Variants in DNAH5 observed in about 807,000 individuals in gnomAD.
DNAH5 encodes the protein dynein axonemal heavy chain 5.
DNAH5 carries 372 observed loss-of-function variants against 518.2 expected under a neutral mutation model. The observed-to-expected ratio is 0.72, with a 90% CI of 0.66 to 0.78. DNAH5 has a LOEUF of 0.78. Among genes scored for constraint, DNAH5 ranks in the 30% least tolerant of loss-of-function variants. DNAH5 has a pLI of 0.00. For synonymous variants in DNAH5, 2,039 were observed against 2,025.9 expected (o/e 1.01, Z -0.17); for missense variants, 5,523 against 5,687.0 (o/e 0.97, Z 0.93).
intron 65 of DNAH5, among the ~76,000 whole-genome samples, chr5:13,747,044 C>T (rs1307557319): frequency 1.3e-5 from 2 of 152,056 alleles, no homozygotes; most frequent in Non-Finnish European, 2.9e-5. Flanking sequence ...CCCTCTCCCC[C>T]CACCCCACAA....
intron 1 of DNAH5, among the ~76,000 whole-genome samples, chr5:13,975,458 A>G (rs979181874): frequency 6.6e-6 from 1 of 152,216 alleles, no homozygotes; most frequent in Non-Finnish European, 1.5e-5. Context: ...GCTCTGTGCC[A>G]GGATTAATTT....
chr5:13,916,798 C>A, intron 8 of DNAH5, among the ~76,000 whole-genome samples: 1 of 151,716 alleles, frequency 6.6e-6, no homozygotes, highest in Non-Finnish European at 1.5e-5. Flanking sequence ...TAAAAAAAAA[C>A]ATCACTAGCT....
chr5:13,727,538 C>T lies in DNAH5; in HGVS notation c.12002G>A (p.Arg4001Lys), dbSNP rs1290080477. 6.8e-6 allele frequency: 11 copies of T among 1,613,672 alleles called. No homozygotes were observed. The highest frequency in any genetic ancestry group is 8.5e-6 in the Non-Finnish European group (10 of 1,179,686). Residue 4001 changes from arginine to lysine, a missense_variant, in exon 70 of 79, where the codon AGA becomes AAA. Arg to Lys is a conservative substitution (Grantham distance 26, BLOSUM62 2). This residue lies in a region of DNAH5 where 5,121 missense variants were observed against 5,223.3 expected (regional missense o/e 0.98). Transcript: ENST00000265104. ...GATGGTTCTGTCAGGACACCAGGATCTAATAAGGAGAAGACGTCTGAAGCA... is the reference window on the plus strand; with the variant it reads ...GATGGTTCTGTCAGGACACCAGGATTTAATAAGGAGAAGACGTCTGAAGCA... ...LDCFRRLLLI[R>K]SWCPDRTIAQ... is the part of the protein sequence containing the mutation.
chr5:13,871,927 T>G (rs1399821294), intron 22 of DNAH5, among the ~76,000 whole-genome samples, 162 bp from the exon 23 acceptor site: 1 of 152,202 alleles, frequency 6.6e-6, no homozygotes, highest in Non-Finnish European at 1.5e-5. Context: ...CTATATACAA[T>G]AGTGTGGACA....
At position 13,865,872 on chromosome 5, in the gene DNAH5, G is replaced by A. The variant is rs556488669; in HGVS notation, c.4151C>T (p.Thr1384Ile). ...AAAAAGCTCCTCTCCTCCAGTATAT[G>A]TGATGTATTTCCGATAGATATTATC... ...QFDNIYRKYI[T>I]YTGGEELFGL... The change falls in exon 27 of 79, where the codon ACA becomes ATA. Residue 1384 changes from threonine (T) to isoleucine (I), a missense_variant. Thr to Ile is a moderately conservative substitution (Grantham distance 89). Coordinates refer to ENST00000265104, the MANE Select transcript of DNAH5 (RefSeq NM_001369.3). 1.9e-6 allele frequency: 3 copies of A among 1,608,920 alleles called. No individual in the cohort carries two copies. The highest frequency in any genetic ancestry group is 2.2e-5 in the South Asian group (2 of 90,892).
In DNAH5 at chr5:13,914,876, C is replaced by G. The variant is rs13180671; in HGVS notation, c.1198-234G>C. Among the ~76,000 whole-genome samples, 66,320 of 151,886 alleles carry G rather than the reference C, an allele frequency of 0.44. 15,275 individuals are homozygous for G. Among genetic ancestry groups the G allele is most frequent in the East Asian group, 0.85 (4,407 of 5,174 alleles). On this transcript the variant is annotated intron_variant, in intron 9 of 78. Transcript: ENST00000265104. ...ATGGAAAATCGACAATTTAGGCCAC[C>G]TTGTCTATGCAGGATGAATGTCTTA...
intron 68 of DNAH5, among the ~76,000 whole-genome samples, chr5:13,730,605 TTC>T (rs1746359452): frequency 6.6e-6 from 1 of 151,894 alleles, no homozygotes; most frequent in Non-Finnish European, 1.5e-5. Flanking sequence ...CATCTAATTT[TTC>T]ATATTTTTAG....
At chr5:13,904,179 A>T (rs1007198676) in intron 12 of DNAH5, among the ~76,000 whole-genome samples, 3 of 151,378 alleles carry the variant, frequency 2.0e-5, no homozygotes, top group Admixed American at 6.6e-5. Context: ...TCAACAAAAT[A>T]TAAAAAGGAA....
intron 22 of DNAH5, among the ~76,000 whole-genome samples, chr5:13,873,268 T>A (rs2151923351): frequency 6.6e-6 from 1 of 152,318 alleles, no homozygotes; most frequent in South Asian, 2.1e-4. Flanking sequence ...GCTTCTTTCA[T>A]CTTTTATAGT....
At chr5:13,988,642 T>G (rs1783239091) in intron 1 of DNAH5, among the ~76,000 whole-genome samples, 1 of 151,498 alleles carries the variant, frequency 6.6e-6, no homozygotes, top group Non-Finnish European at 1.5e-5. Context: ...GGTCTCAAAC[T>G]CCTGACCTCA....
At chr5:13,969,222 A>G (rs935126278) in intron 1 of DNAH5, among the ~76,000 whole-genome samples, 3 of 152,042 alleles carry the variant, frequency 2.0e-5, no homozygotes, top group South Asian at 2.1e-4. Context: ...TTCTTAATTA[A>G]TCTCACTAAT....
intron 18 of DNAH5, 122 bp from the exon 19 acceptor site, chr5:13,885,350 GT>G: frequency 8.1e-7 from 1 of 1,235,790 alleles, no homozygotes; most frequent in Non-Finnish European, 1.1e-6. Flanking sequence ...TTACATGCAA[GT>G]TTAGTATCAC....
intron 47 of DNAH5, among the ~76,000 whole-genome samples, chr5:13,801,259 G>A (rs1247770855): frequency 6.6e-6 from 1 of 152,124 alleles, no homozygotes; most frequent in Non-Finnish European, 1.5e-5. Flanking sequence ...GTTGCTTAAA[G>A]GTGTGTAGCA....
chr5:13,717,315 C>T lies in DNAH5; in HGVS notation c.12705G>A (p.Lys4235=). The change falls in exon 73 of 79, where the codon AAG becomes AAA. Residue 4235 remains lysine (K), a splice_region_variant and synonymous_variant. Transcript: ENST00000265104. ...QNHLDDMDVK[K]GVSWTTIRYM... is the part of the protein sequence containing the mutation. ...CATGAGGCAGCATGCGCGGCAGTAC[C>T]TTTTTGACATCCATGTCATCCAAGT... 6.2e-7 allele frequency: 1 copy of T among 1,613,506 alleles called. No individual in the cohort carries two copies. Among genetic ancestry groups the T allele is most frequent in the Non-Finnish European group, 8.5e-7 (1 of 1,179,816 alleles).
chr5:13,896,279 T>C (rs1773907659), intron 15 of DNAH5, among the ~76,000 whole-genome samples: 1 of 152,100 alleles, frequency 6.6e-6, no homozygotes, highest in South Asian at 2.1e-4. Context: ...TAGAAAGATC[T>C]ACCCGATTTT....
At chr5:13,930,573 T>A (rs1002014643) in intron 2 of DNAH5, among the ~76,000 whole-genome samples, 2 of 152,180 alleles carry the variant, frequency 1.3e-5, no homozygotes, top group African/African-American at 2.4e-5. Context: ...GGAAATTATA[T>A]CTTCCCATAT....
chr5:13,767,265 C>T (rs1381731582), intron 58 of DNAH5, among the ~76,000 whole-genome samples: 1 of 152,172 alleles, frequency 6.6e-6, no homozygotes, highest in East Asian at 1.9e-4. Flanking sequence ...GCTGGGACTA[C>T]AGGCACACAC....
At chr5:13,977,034 C>T (rs1782313712) in intron 1 of DNAH5, among the ~76,000 whole-genome samples, 1 of 152,140 alleles carries the variant, frequency 6.6e-6, no homozygotes, top group South Asian at 2.1e-4. Context: ...TATTTTTAGA[C>T]TTCTCCACAA....
At chr5:13,827,209 C>T (rs1762992749) in intron 38 of DNAH5, among the ~76,000 whole-genome samples, 1 of 152,010 alleles carries the variant, frequency 6.6e-6, no homozygotes, top group Non-Finnish European at 1.5e-5. Flanking sequence ...AAACTTTGTG[C>T]CCAATGATGC....
Sources: allele counts gnomAD v4.1 joint callset (sites outside exome capture counted in the v4.1 genomes callset), GRCh38; gene constraint gnomAD v4.1.1; regional missense constraint gnomAD v4.1.1; transcripts MANE v1.5; gene names NCBI Gene and HGNC (gene_info 2026-07-23, HGNC 2026-07-21).